Variants in HESX1 observed in about 807,000 individuals in gnomAD.
The protein encoded by HESX1 is homeobox expressed in ES cells 1.
Under a neutral mutation model 22.5 loss-of-function variants are expected in HESX1, and 11 were observed. The ratio of observed to expected loss-of-function variants is 0.49; its 90% CI spans 0.31 to 0.81. HESX1 has a LOEUF of 0.81. HESX1 is among the 30% of genes least tolerant of loss of function. The pLI, the probability that HESX1 is intolerant of heterozygous loss-of-function variation, is 0.05. For missense variants in HESX1, 201 were observed against 212.6 expected (o/e 0.95, Z 0.34); for synonymous variants, 74 against 76.5 (o/e 0.97, Z 0.17).
At chr3:57,210,831 T>C (rs2060548969) in intron 1 of HESX1, among the ~76,000 whole-genome samples, 1 of 152,218 alleles carries the variant, frequency 6.6e-6, no homozygotes, top group African/African-American at 2.4e-5. Context: ...CTGAACTACA[T>C]GTGTATCACT....
At chr3:57,219,644 G>A (rs2060603701) in intron 1 of HESX1, among the ~76,000 whole-genome samples, 1 of 152,062 alleles carries the variant, frequency 6.6e-6, no homozygotes, top group African/African-American at 2.4e-5. Context: ...TGGGATTACA[G>A]GCGTGAGCCA....
At chr3:57,219,367 C>T (rs972426275) in intron 1 of HESX1, among the ~76,000 whole-genome samples, 1 of 151,942 alleles carries the variant, frequency 6.6e-6, no homozygotes, top group African/African-American at 2.4e-5. Context: ...GTCCTTTGCC[C>T]ACTTTTTCTT....
Position 57,199,300 on chromosome 3 carries a change from T to C in HESX1, c.158-348A>G, listed in dbSNP as rs532737019. On this transcript the variant is annotated intron_variant, in intron 1 of 3. Coordinates refer to ENST00000295934, the MANE Select transcript of HESX1 (RefSeq NM_003865.3). ...AAGCTGATATTCTTTTAATTTCCCA[T>C]AGGACTCAGTTGGAGGCATTAAAAG... Among the ~76,000 whole-genome samples the C allele has an allele frequency of 2.4e-4, 37 of 152,288 alleles. 1 individual carries two copies. Among genetic ancestry groups the C allele is most frequent in the Admixed American group, 2.0e-3 (31 of 15,300 alleles).
At chr3:57,224,551 T>TCA (rs1423326865) in intron 1 of HESX1, among the ~76,000 whole-genome samples, 3 of 152,202 alleles carry the variant, frequency 2.0e-5, no homozygotes, top group Non-Finnish European at 4.4e-5. Flanking sequence ...ACTTCAGACT[T>TCA]AACTGGAGAG....
rs771499094 is a variant in HESX1 at position 57,199,774 on chromosome 3, A to T, written c.145T>A (p.Cys49Ser). Residue 49 changes from cysteine to serine, a missense_variant, in exon 1 of 4, where the codon TGC becomes AGC. By Grantham distance (112) the Cys-to-Ser change is moderately radical. Transcript: ENST00000295934. ...MKPHRPWADTCSSSGKDGNLC... is the reference protein window; with the variant it reads ...MKPHRPWADTSSSSGKDGNLC... Reference sequence around the variant, plus strand: ...AGCTGTGGCATACCTGATGAGCTGCAGGTGTCTGCCCAGGGCCTGTGGGGT... The same window carrying T: ...AGCTGTGGCATACCTGATGAGCTGCTGGTGTCTGCCCAGGGCCTGTGGGGT... The T allele has an allele frequency of 6.2e-7, 1 of 1,614,148 alleles. No homozygotes were observed. The highest frequency in any genetic ancestry group is 8.5e-7 in the Non-Finnish European group (1 of 1,179,972).
chr3:57,202,877 G>C (rs2060498079), upstream of HESX1, among the ~76,000 whole-genome samples: 1 of 152,170 alleles, frequency 6.6e-6, no homozygotes, highest in Non-Finnish European at 1.5e-5. Flanking sequence ...AGCATGCCAA[G>C]AGCCTGAGAA....
chr3:57,203,213 C>T (rs771192198), upstream of HESX1, among the ~76,000 whole-genome samples: 19 of 152,158 alleles, frequency 1.2e-4, no homozygotes, highest in Non-Finnish European at 2.2e-4. Context: ...ATTTATTCAA[C>T]ACATAATTTG....
chr3:57,220,705 A>G (rs944245536), intron 1 of HESX1, among the ~76,000 whole-genome samples: 2 of 152,216 alleles, frequency 1.3e-5, no homozygotes, highest in African/African-American at 4.8e-5. Context: ...TGCTGGGATT[A>G]CAGGCATGAG....
At chr3:57,198,532 A>T (rs1279135693) in intron 2 of HESX1, 40 bp from the exon 3 acceptor site, 2 of 1,249,354 alleles carry the variant, frequency 1.6e-6, no homozygotes, top group Non-Finnish European at 2.3e-6. Flanking sequence ...TGTCTCCAAA[A>T]ATGAGCTTTA....
At chr3:57,216,360 G>T (rs1219270481) in intron 1 of HESX1, among the ~76,000 whole-genome samples, 1 of 152,202 alleles carries the variant, frequency 6.6e-6, no homozygotes, top group Non-Finnish European at 1.5e-5. Context: ...TGTAATGCCA[G>T]CACTTTGGGA....
At chr3:57,205,020 G>C (rs1028598865) in intron 1 of HESX1, among the ~76,000 whole-genome samples, 1 of 152,158 alleles carries the variant, frequency 6.6e-6, no homozygotes, top group Non-Finnish European at 1.5e-5. Context: ...AGTGGTCCCT[G>C]CTTCCACCCT....
upstream of HESX1, among the ~76,000 whole-genome samples, chr3:57,202,137 T>G (rs1223622544): frequency 1.3e-5 from 2 of 151,982 alleles, no homozygotes; most frequent in African/African-American, 4.8e-5. Context: ...GCCAGGATGG[T>G]CTCGATATCC....
At position 57,199,821 on chromosome 3, in the gene HESX1, T is replaced by G; in HGVS notation, c.98A>C (p.Lys33Thr). The G allele has an allele frequency of 6.2e-7, 1 of 1,614,098 alleles. No individual in the cohort carries two copies. Among genetic ancestry groups the G allele is most frequent in the Non-Finnish European group, 8.5e-7 (1 of 1,179,988 alleles). The change falls in exon 1 of 4, where the codon AAA becomes ACA. Residue 33 changes from lysine to threonine, a missense_variant. Lys to Thr is a moderately conservative substitution (Grantham distance 78). Coordinates refer to ENST00000295934, the MANE Select transcript of HESX1 (RefSeq NM_003865.3). ...IERILGLDQK[K>T]DCVPLMKPHR... ...GGGTTTCATTAATGGAACACAGTCTTTCTTCTGGTCCAGTCCTAAGATTCT... is the reference window on the plus strand; with the variant it reads ...GGGTTTCATTAATGGAACACAGTCTGTCTTCTGGTCCAGTCCTAAGATTCT...
At chr3:57,227,595 A>G, upstream of HESX1, 1 of 291,792 alleles carries the variant, frequency 3.4e-6, no homozygotes, top group Non-Finnish European at 6.3e-6. Context: ...GCCGCTTCCG[A>G]CGCCCGCGCT....
intron 1 of HESX1, among the ~76,000 whole-genome samples, chr3:57,211,306 T>C (rs2060552018): frequency 6.6e-6 from 1 of 151,288 alleles, no homozygotes; most frequent in African/African-American, 2.4e-5. Context: ...GGTGGGAGAA[T>C]TGCTTAAACC....
intron 1 of HESX1, among the ~76,000 whole-genome samples, chr3:57,212,555 C>T (rs200456943): frequency 2.4e-5 from 1 of 41,950 alleles, no homozygotes; most frequent in Non-Finnish European, 4.5e-5. Context: ...AAGACTCTGT[C>T]TCAAAAAAAA....
At chr3:57,203,988 A>G (rs1281386549), upstream of HESX1, among the ~76,000 whole-genome samples, 2 of 152,174 alleles carry the variant, frequency 1.3e-5, no homozygotes, top group Middle Eastern at 3.4e-3. Flanking sequence ...TCACTGTGAG[A>G]TCATCCCTGA....
upstream of HESX1, among the ~76,000 whole-genome samples, chr3:57,202,068 G>A (rs923647397): frequency 5.3e-5 from 8 of 150,524 alleles, no homozygotes; most frequent in Non-Finnish European, 8.9e-5. Context: ...ACAGGCGCCC[G>A]CCACCACGCC....
At chr3:57,212,969 G>A (rs1447855381) in intron 1 of HESX1, among the ~76,000 whole-genome samples, 1 of 152,024 alleles carries the variant, frequency 6.6e-6, no homozygotes, top group Admixed American at 6.5e-5. Context: ...AGGCCTCGGT[G>A]TGTGATGTTC....
Sources: allele counts gnomAD v4.1 joint callset (sites outside exome capture counted in the v4.1 genomes callset), GRCh38; gene constraint gnomAD v4.1.1; transcripts MANE v1.5; gene names NCBI Gene and HGNC (gene_info 2026-07-23, HGNC 2026-07-21).